CCAR1: variants seen among roughly 807,000 people sequenced by gnomAD.
The protein encoded by CCAR1 is cell division cycle and apoptosis regulator 1.
In CCAR1, 78 loss-of-function variants were observed where a neutral mutation model predicts 163.8. The ratio of observed to expected loss-of-function variants is 0.48; its 90% CI spans 0.40 to 0.57. The LOEUF is 0.57. CCAR1 is among the 20% of genes least tolerant of loss of function. The probability of loss-of-function intolerance (pLI) is 0.00; values close to 1 mark genes in which losing one functional copy is unlikely to be tolerated. For missense variants in CCAR1, 1,019 were observed against 1,365.2 expected (o/e 0.75, Z 4.00); for synonymous variants, 443 against 460.7 (o/e 0.96, Z 0.49).
intron 13 of CCAR1, 76 bp downstream of exon 13, chr10:68,755,612 TC>T (rs1433729785): frequency 6.2e-6 from 8 of 1,284,772 alleles, no homozygotes; most frequent in South Asian, 1.7e-5. Context: ...ATCAGCCTTT[TC>T]CCCCCGGCTT....
intron 17 of CCAR1, among the ~76,000 whole-genome samples, chr10:68,767,160 T>C (rs186988363): frequency 2.7e-4 from 41 of 152,326 alleles, no homozygotes; most frequent in African/African-American, 8.9e-4. Context: ...AGAATTAAAA[T>C]AGCATTTAAT....
chr10:68,760,961 C>T, intron 15 of CCAR1, 46 bp from the exon 16 acceptor site: 2 of 828,366 alleles, frequency 2.4e-6, no homozygotes, highest in Non-Finnish European at 3.5e-6. Flanking sequence ...CCCCCCGCCC[C>T]CCGCCACCTT....
chr10:68,770,326 A>G (rs954261293), intron 17 of CCAR1, among the ~76,000 whole-genome samples: 21 of 152,180 alleles, frequency 1.4e-4, no homozygotes, highest in African/African-American at 4.8e-4. Flanking sequence ...GGATGATAGG[A>G]GGGGTTTTTA....
At chr10:68,750,403 G>T (rs1589165891) in intron 10 of CCAR1, among the ~76,000 whole-genome samples, 1 of 151,788 alleles carries the variant, frequency 6.6e-6, no homozygotes, top group African/African-American at 2.4e-5. Context: ...TGTATTTTTA[G>T]TAGGGACGGG....
In CCAR1 at chr10:68,791,394, A is replaced by G. The variant is rs11591527; in HGVS notation, c.*128A>G. The G allele has an allele frequency of 1.1e-4, 59 of 534,242 alleles. No individual in the cohort carries two copies. Among genetic ancestry groups the G allele is most frequent in the Non-Finnish European group, 1.3e-4 (42 of 312,792 alleles). 33.1% of individuals were successfully genotyped at this position (534,242 alleles called of 1,614,324 possible). A position where few individuals can be genotyped will look rare whatever the true frequency, so the allele number is the denominator to read the frequency against. ...AAATGTATTTTAGTTCAAATGATGT[A>G]TAAAGTTTTATGAATGTGAGTTTCT... On this transcript the variant is annotated 3_prime_UTR_variant, in exon 25 of 25. Transcript: ENST00000265872.
At chr10:68,772,930 G>A in intron 18 of CCAR1, 58 bp from the exon 19 acceptor site, 2 of 940,716 alleles carry the variant, frequency 2.1e-6, no homozygotes, top group Non-Finnish European at 3.1e-6. Flanking sequence ...GGGCAATATG[G>A]CAAAACCCCG....
chr10:68,750,734 C>T (rs537483204), intron 10 of CCAR1, among the ~76,000 whole-genome samples: 1 of 152,178 alleles, frequency 6.6e-6, no homozygotes, highest in South Asian at 2.1e-4. Context: ...ATAAGAAAAT[C>T]ATTAAAAGCA....
At chr10:68,772,722 C>CACTCCAG (rs1364312176) in intron 18 of CCAR1, among the ~76,000 whole-genome samples, 3 of 149,668 alleles carry the variant, frequency 2.0e-5, no homozygotes, top group Non-Finnish European at 4.4e-5. Flanking sequence ...TGTGCCACTG[C>CACTCCAG]ACTCCAGTCT....
intron 3 of CCAR1, among the ~76,000 whole-genome samples, 157 bp from the exon 4 acceptor site, chr10:68,737,688 T>A (rs1820241931): frequency 6.6e-6 from 1 of 151,878 alleles, no homozygotes; most frequent in Non-Finnish European, 1.5e-5. Flanking sequence ...TATTATTATT[T>A]TTATTTTTTT....
chr10:68,779,042 A>G (rs1004854311), intron 19 of CCAR1, among the ~76,000 whole-genome samples: 1 of 152,064 alleles, frequency 6.6e-6, no homozygotes, highest in African/African-American at 2.4e-5. Context: ...ATGGGGTTTC[A>G]TCATATTGGC....
intron 15 of CCAR1, among the ~76,000 whole-genome samples, chr10:68,759,083 C>T (rs999531950): frequency 5.9e-5 from 9 of 151,516 alleles, no homozygotes; most frequent in Admixed American, 5.9e-4. Flanking sequence ...TCACTTCAAC[C>T]CAAGGATACT....
At chr10:68,754,659 A>C (rs1191383632) in intron 11 of CCAR1, 55 bp from the exon 12 acceptor site, 5 of 887,678 alleles carry the variant, frequency 5.6e-6, no homozygotes, top group Non-Finnish European at 9.1e-6. Flanking sequence ...AGTGCTTCTC[A>C]TTTTTTCACA....
At chr10:68,762,074 A>G (rs2056478488) in intron 16 of CCAR1, among the ~76,000 whole-genome samples, 1 of 151,996 alleles carries the variant, frequency 6.6e-6, no homozygotes. Context: ...TCATGCCTGT[A>G]ATCCCAGCAC....
chr10:68,729,145 A>G (rs2055994159), intron 2 of CCAR1, among the ~76,000 whole-genome samples: 1 of 152,118 alleles, frequency 6.6e-6, no homozygotes, highest in Non-Finnish European at 1.5e-5. Flanking sequence ...AACCACATGT[A>G]TTTGGTGGGT....
intron 6 of CCAR1, among the ~76,000 whole-genome samples, chr10:68,744,833 CTT>C (rs953410346): frequency 1.4e-5 from 2 of 141,310 alleles, no homozygotes; most frequent in African/African-American, 5.2e-5. Context: ...CTACTTAACT[CTT>C]TTTTTTTTTT....
intron 15 of CCAR1, among the ~76,000 whole-genome samples, chr10:68,758,746 G>T (rs539286788): frequency 6.6e-6 from 1 of 150,840 alleles, no homozygotes; most frequent in African/African-American, 2.4e-5. Flanking sequence ...GCAGTGGCAC[G>T]ATCTTAACCT....
chr10:68,723,212 C>T (rs1204706754), intron 2 of CCAR1, among the ~76,000 whole-genome samples: 1 of 151,396 alleles, frequency 6.6e-6, no homozygotes, highest in Non-Finnish European at 1.5e-5. Context: ...AGCTCCGCCT[C>T]CCGGGTTCAC....
chr10:68,750,098 CACAT>C (rs1323062115), intron 10 of CCAR1, among the ~76,000 whole-genome samples: 11 of 151,932 alleles, frequency 7.2e-5, no homozygotes, highest in Admixed American at 7.2e-4. Flanking sequence ...CGTATATACT[CACAT>C]ACATAATGTA....
At chr10:68,773,906 T>TTTTTCAG (rs1329011297) in intron 19 of CCAR1, among the ~76,000 whole-genome samples, 6 of 151,722 alleles carry the variant, frequency 4.0e-5, no homozygotes, top group African/African-American at 1.5e-4. Flanking sequence ...TTGTTGTTTT[T>TTTTTCAG]TTTTCAGACG....
Sources: allele counts gnomAD v4.1 joint callset (sites outside exome capture counted in the v4.1 genomes callset), GRCh38; gene constraint gnomAD v4.1.1; transcripts MANE v1.5; gene names NCBI Gene and HGNC (gene_info 2026-07-23, HGNC 2026-07-21).